LARGE1: variants seen among roughly 807,000 people sequenced by gnomAD.
The protein encoded by LARGE1 is xylosyl- and glucuronyltransferase LARGE1.
Under a neutral mutation model 87.6 loss-of-function variants are expected in LARGE1, and 43 were observed. The ratio of observed to expected loss-of-function variants is 0.49; its 90% confidence interval spans 0.38 to 0.63. The LOEUF (loss-of-function observed/expected upper bound fraction) is 0.63. Among genes scored for constraint, LARGE1 ranks in the 30% least tolerant of loss-of-function variants. The pLI, the probability that LARGE1 is intolerant of heterozygous loss-of-function variation, is 0.00. For missense variants in LARGE1, 802 were observed against 1,000.2 expected (o/e 0.80, Z 2.67); for synonymous variants, 434 against 394.6 (o/e 1.10, Z -1.18).
intron 1 of LARGE1, among the ~76,000 whole-genome samples, chr22:33,843,831 T>C (rs1162647970): frequency 1.3e-5 from 2 of 151,920 alleles, no homozygotes; most frequent in African/African-American, 4.8e-5. Flanking sequence ...TCTCCTTTCT[T>C]TCCTAAGAGG....
chr22:33,818,105 C>A (rs1164504729), intron 1 of LARGE1, among the ~76,000 whole-genome samples: 2 of 152,158 alleles, frequency 1.3e-5, no homozygotes, highest in Non-Finnish European at 1.5e-5. Flanking sequence ...GGGGATGGTT[C>A]ATGTCTCCAC....
chr22:33,613,178 G>A (rs564378737), intron 4 of LARGE1, among the ~76,000 whole-genome samples: 27 of 152,306 alleles, frequency 1.8e-4, no homozygotes, highest in South Asian at 1.2e-3. Context: ...CTAACTATCA[G>A]CAGCTTGTGT....
the LARGE1 span, among the ~76,000 whole-genome samples, chr22:33,117,705 T>C: frequency 8.5e-4 from 129 of 152,284 alleles, 1 homozygote; most frequent in African/African-American, 2.9e-3. Context: ...GCATCAGACG[T>C]TTACAAAGAA....
chr22:33,243,417 T>C (rs1458384077), intron 11 of LARGE1, among the ~76,000 whole-genome samples: 1 of 152,240 alleles, frequency 6.6e-6, no homozygotes, highest in Non-Finnish European at 1.5e-5. Flanking sequence ...ATCACCATTC[T>C]GACAACCACT....
At chr22:33,330,019 A>C (rs962513144) in intron 10 of LARGE1, among the ~76,000 whole-genome samples, 36 of 151,402 alleles carry the variant, frequency 2.4e-4, no homozygotes, top group East Asian at 5.8e-4. Context: ...ACAAAAAAAA[A>C]CCCAACAAAA....
chr22:33,369,457 G>C (rs981126803), intron 9 of LARGE1, among the ~76,000 whole-genome samples: 1 of 143,106 alleles, frequency 7.0e-6, no homozygotes, highest in Non-Finnish European at 1.5e-5. Flanking sequence ...CTATTTTCTT[G>C]GTTTTTTTTT....
intron 3 of LARGE1, among the ~76,000 whole-genome samples, chr22:33,646,868 C>T (rs567904395): frequency 6.6e-6 from 1 of 152,332 alleles, no homozygotes; most frequent in South Asian, 2.1e-4. Context: ...GCTGGGATTT[C>T]AGGCACCCTC....
intron 9 of LARGE1, among the ~76,000 whole-genome samples, chr22:33,339,207 G>C (rs944239275): frequency 2.0e-5 from 3 of 150,556 alleles, no homozygotes; most frequent in Admixed American, 6.6e-5. Context: ...AGAATGATCA[G>C]AGAAGCATCA....
At chr22:33,494,305 T>C (rs189616604) in intron 6 of LARGE1, among the ~76,000 whole-genome samples, 195 of 152,342 alleles carry the variant, frequency 1.3e-3, no homozygotes, top group African/African-American at 4.4e-3. Context: ...AAAATGGAGA[T>C]GGCTTGTGTG....
At chr22:33,454,550 C>T (rs573423184) in intron 6 of LARGE1, among the ~76,000 whole-genome samples, 121 of 144,976 alleles carry the variant, frequency 8.3e-4, no homozygotes, top group African/African-American at 2.7e-3. Context: ...ATCCGGGAGG[C>T]GGAGGTTGCA....
intron 1 of LARGE1, among the ~76,000 whole-genome samples, chr22:33,821,778 A>T (rs9306282): frequency 0.32 from 48,893 of 151,712 alleles, 9,293 homozygotes; most frequent in African/African-American, 0.52. Flanking sequence ...TTCAATTTTC[A>T]ATACATTATT....
chr22:33,628,318 CTTTT>C (rs35066040), intron 3 of LARGE1, among the ~76,000 whole-genome samples: 3 of 132,958 alleles, frequency 2.3e-5, no homozygotes, highest in Admixed American at 7.6e-5. Context: ...ACTGTTTTTG[CTTTT>C]TTTTTTTTTT....
At position 33,630,871 on chromosome 22, in the gene LARGE1, G is replaced by T. The variant is rs867758185; in HGVS notation, c.409-4545C>A. Among the ~76,000 whole-genome samples the T allele has an allele frequency of 4.3e-3, 523 of 121,920 alleles. 2 individuals are homozygous for T. Among genetic ancestry groups the T allele is most frequent in the African/African-American group, 0.013 (422 of 32,120 alleles). The allele number at this position is 121,920 out of a possible 152,430, so 80.0% of individuals were successfully genotyped here. ...TTTTAACTATCTCTTTTTTTTTTTTGAGACGGAGTCTCACTCTGTTGCCCA... is the reference window on the plus strand; with the variant it reads ...TTTTAACTATCTCTTTTTTTTTTTTTAGACGGAGTCTCACTCTGTTGCCCA... On this transcript the variant is annotated intron_variant, in intron 3 of 14. Transcript: ENST00000397394.
chr22:33,529,233 T>C (rs1056629591), intron 6 of LARGE1, among the ~76,000 whole-genome samples: 4 of 152,206 alleles, frequency 2.6e-5, no homozygotes, highest in African/African-American at 9.6e-5. Context: ...CTCATCGCCT[T>C]TGAGGACCAT....
intron 11 of LARGE1, among the ~76,000 whole-genome samples, chr22:33,173,183 G>T (rs1275686789): frequency 6.6e-6 from 1 of 152,184 alleles, no homozygotes; most frequent in Non-Finnish European, 1.5e-5. Context: ...CTACAAGCCA[G>T]AAGAGAGTGA....
intron 6 of LARGE1, among the ~76,000 whole-genome samples, chr22:33,560,733 T>C (rs920956252): frequency 2.6e-5 from 4 of 152,084 alleles, no homozygotes; most frequent in Non-Finnish European, 5.9e-5. Context: ...TCCAAAGCCG[T>C]ATGGATTGGG....
intron 5 of LARGE1, among the ~76,000 whole-genome samples, chr22:33,593,908 A>G (rs1412483863): frequency 6.6e-6 from 1 of 152,214 alleles, no homozygotes; most frequent in Non-Finnish European, 1.5e-5. Flanking sequence ...CTCAAGAGTC[A>G]GACTACCCAA....
chr22:33,829,006 C>CTT (rs776583343), intron 1 of LARGE1, among the ~76,000 whole-genome samples: 5,208 of 94,418 alleles, frequency 0.055, 264 homozygotes, highest in Non-Finnish European at 0.067. Flanking sequence ...GTCTCTTTTT[C>CTT]TTTTTTTTTT....
chr22:33,364,063 T>A lies in LARGE1; in HGVS notation c.1131+17856A>T, dbSNP rs9609770. Among the ~76,000 whole-genome samples, 7 of 137,088 alleles carry A rather than the reference T, an allele frequency of 5.1e-5. 1 individual carries two copies. The highest frequency in any genetic ancestry group is 1.3e-4 in the African/African-American group (5 of 37,174). The allele number at this position is 137,088 out of a possible 152,430, so 89.9% of individuals were successfully genotyped here. A position where few individuals can be genotyped will look rare whatever the true frequency, so the allele number is the denominator to read the frequency against. On this transcript the variant is annotated intron_variant, in intron 9 of 14. Transcript: ENST00000397394. ...CAAAGTGCATCTTTGCTATATATTT[T>A]TTTTTTTTTGAGACGGAGTCTCGCT...
Sources: allele counts gnomAD v4.1 joint callset (sites outside exome capture counted in the v4.1 genomes callset), GRCh38; gene constraint gnomAD v4.1.1; transcripts MANE v1.5; gene names NCBI Gene and HGNC (gene_info 2026-07-23, HGNC 2026-07-21).